The following TBC1D30 variants were observed in gnomAD, a reference collection of about 807,000 sequenced individuals.
TBC1D30 encodes the protein TBC1 domain family, member 30.
A neutral mutation model predicts 63.2 loss-of-function variants in TBC1D30; 31 were observed. That is an observed-to-expected ratio of 0.49 (90% CI 0.37 to 0.66). The LOEUF is 0.66. Among genes scored for constraint, TBC1D30 ranks in the 30% least tolerant of loss-of-function variants. The probability of loss-of-function intolerance (pLI) is 0.00; values close to 1 mark genes in which losing one functional copy is unlikely to be tolerated. For missense variants in TBC1D30, 810 were observed against 953.6 expected, an observed-to-expected ratio of 0.85 and a Z score of 1.98; for synonymous variants, 307 against 361.5, an observed-to-expected ratio of 0.85 and a Z score of 1.71.
intron 9 of TBC1D30, among the ~76,000 whole-genome samples, chr12:64,865,200 TG>T (rs1334101566): frequency 6.7e-6 from 1 of 149,530 alleles, no homozygotes; most frequent in Non-Finnish European, 1.5e-5. Context: ...TAAATGGTGA[TG>T]GGCTAATGAG....
At chr12:64,797,277 C>G (rs1335891715) in intron 2 of TBC1D30, among the ~76,000 whole-genome samples, 3 of 152,134 alleles carry the variant, frequency 2.0e-5, no homozygotes, top group Non-Finnish European at 4.4e-5. Flanking sequence ...AAGACAAGCT[C>G]CTTTGAATCT....
chr12:64,856,088 G>C (rs1194721511), intron 8 of TBC1D30, among the ~76,000 whole-genome samples: 1 of 151,984 alleles, frequency 6.6e-6, no homozygotes, highest in Non-Finnish European at 1.5e-5. Flanking sequence ...GGAGGCCCAG[G>C]GAGCTTTTAA....
At chr12:64,792,771 A>G (rs751499998) in intron 2 of TBC1D30, among the ~76,000 whole-genome samples, 4 of 151,948 alleles carry the variant, frequency 2.6e-5, no homozygotes, top group Non-Finnish European at 2.9e-5. Flanking sequence ...ATGGGGTTTC[A>G]CCATGTTGGC....
At chr12:64,771,678 T>A (rs537477395) in intron 1 of TBC1D30, among the ~76,000 whole-genome samples, 36 of 152,272 alleles carry the variant, frequency 2.4e-4, no homozygotes, top group African/African-American at 7.7e-4. Flanking sequence ...GCATGGTTTA[T>A]AGGTGCAAGG....
intron 8 of TBC1D30, 42 bp downstream of exon 8, chr12:64,843,527 G>C: frequency 6.8e-7 from 1 of 1,461,864 alleles, no homozygotes. Context: ...GGGAACCCCG[G>C]GCACGGTGGG....
At chr12:64,859,615 G>A (rs935774736) in intron 8 of TBC1D30, among the ~76,000 whole-genome samples, 3 of 152,182 alleles carry the variant, frequency 2.0e-5, no homozygotes, top group Non-Finnish European at 2.9e-5. Flanking sequence ...GGATACAGGA[G>A]TGAAAGAAAA....
intron 1 of TBC1D30, chr12:64,825,577 A>G (rs1319257101): frequency 6.5e-6 from 1 of 153,690 alleles, no homozygotes; most frequent in Non-Finnish European, 1.5e-5. Context: ...AGTGGGGAGC[A>G]GCAGGAGATC....
intron 2 of TBC1D30, 45 bp downstream of exon 2, chr12:64,827,941 G>A (rs1874508204): frequency 1.5e-6 from 2 of 1,292,266 alleles, no homozygotes; most frequent in East Asian, 2.5e-5. Flanking sequence ...GTTACCAACA[G>A]GGCACATTGA....
chr12:64,864,536 T>C (rs1878052868), intron 8 of TBC1D30, 132 bp from the exon 9 acceptor site: 1 of 584,248 alleles, frequency 1.7e-6, no homozygotes, highest in Non-Finnish European at 3.0e-6. Context: ...GTGGAATCTC[T>C]CCACCTGCTG....
chr12:64,853,125 A>G (rs1008697647), intron 8 of TBC1D30, among the ~76,000 whole-genome samples: 3 of 152,028 alleles, frequency 2.0e-5, no homozygotes, highest in Admixed American at 6.6e-5. Context: ...TCCCAGGGAG[A>G]TGGGAGTTTT....
At chr12:64,775,538 A>G (rs1223951346), upstream of TBC1D30, among the ~76,000 whole-genome samples, 1 of 152,224 alleles carries the variant, frequency 6.6e-6, no homozygotes, top group Non-Finnish European at 1.5e-5. Context: ...CAAAGGGGGC[A>G]TTATATAATG....
At chr12:64,806,024 G>GT (rs1459640821) in intron 2 of TBC1D30, among the ~76,000 whole-genome samples, 4 of 152,150 alleles carry the variant, frequency 2.6e-5, no homozygotes, top group African/African-American at 9.7e-5. Flanking sequence ...AAGAGTGAAT[G>GT]TTGAACAATG....
chr12:64,875,273 C>G lies in TBC1D30; in HGVS notation c.1771C>G (p.Leu591Val). Residue 591 changes from leucine (L) to valine (V), a missense_variant, in exon 12 of 12, where the codon CTG becomes GTG. Physicochemically the swap from Leu to Val is conservative, Grantham distance 32. Coordinates refer to ENST00000539867, the MANE Select transcript of TBC1D30 (RefSeq NM_015279.2). ...TCCGGGCTGTGGGGACACCGTAGGG[C>G]TGATAGATGAGCAGAACGAGGCCAG... ...SHPGCGDTVGLIDEQNEASKT... is the reference protein window; with the variant it reads ...SHPGCGDTVGVIDEQNEASKT... The G allele has an allele frequency of 6.5e-7, 1 of 1,536,280 alleles. No individual in the cohort carries two copies. The highest frequency in any genetic ancestry group is 8.7e-7 in the Non-Finnish European group (1 of 1,146,902).
At chr12:64,773,698 C>T (rs1238835810) in intron 1 of TBC1D30, among the ~76,000 whole-genome samples, 1 of 152,154 alleles carries the variant, frequency 6.6e-6, no homozygotes, top group Non-Finnish European at 1.5e-5. Flanking sequence ...CTGGAAAACC[C>T]AAGGTGACTG....
At chr12:64,867,027 T>G in intron 10 of TBC1D30, 124 bp downstream of exon 10, 5 of 1,116,306 alleles carry the variant, frequency 4.5e-6, no homozygotes, top group Non-Finnish European at 6.2e-6. Flanking sequence ...AAAGTCTTTA[T>G]TAGGCTAGTC....
At chr12:64,840,004 CAAAAAAAAAAAAAAAA>C (rs60440376) in intron 7 of TBC1D30, among the ~76,000 whole-genome samples, 2 of 98,348 alleles carry the variant, frequency 2.0e-5, no homozygotes, top group African/African-American at 5.2e-5. Flanking sequence ...GACTCTGTCT[CAAAAAAAAAAAAAAAA>C]AAAAAAAATC....
At chr12:64,766,698 T>C (rs1385028424) in intron 1 of TBC1D30, among the ~76,000 whole-genome samples, 2 of 152,010 alleles carry the variant, frequency 1.3e-5, no homozygotes, top group Non-Finnish European at 2.9e-5. Flanking sequence ...TAGGTAGACC[T>C]AACAGAGATC....
Position 64,875,709 on chromosome 12 carries a change from C to A in TBC1D30, c.2207C>A (p.Thr736Asn), listed in dbSNP as rs756570672. The A allele has an allele frequency of 1.1e-5, 17 of 1,536,520 alleles. No homozygotes were observed. The South Asian group carries it at 1.9e-4, about 17-fold the overall frequency. The stretch of plus-strand genomic sequence containing the variant: ...GGATTATATGGCCCTACAGAAAGAA[C>A]CCCAACTGTGCACTTTCCTCAAATG... ...NLGLYGPTER[T>N]PTVHFPQMSR... The change falls in exon 12 of 12, where the codon ACC (threonine) becomes AAC (asparagine). Residue 736 changes from threonine to asparagine, a missense_variant. Around this residue, in one of 4 missense-constraint regions of TBC1D30, gnomAD observed 450 missense variants for 473.0 expected, o/e 0.95. Transcript: ENST00000539867.
At chr12:64,762,672 T>C (rs184068438) in intron 1 of TBC1D30, among the ~76,000 whole-genome samples, 357 of 152,354 alleles carry the variant, frequency 2.3e-3, no homozygotes, top group Admixed American at 4.5e-3. Flanking sequence ...TTTTATTAAG[T>C]AACTGCCAGG....
Sources: allele counts gnomAD v4.1 joint callset (sites outside exome capture counted in the v4.1 genomes callset), GRCh38; gene constraint gnomAD v4.1.1; regional missense constraint gnomAD v4.1.1; transcripts MANE v1.5; gene names NCBI Gene and HGNC (gene_info 2026-07-23, HGNC 2026-07-21).